CD96: variants seen among roughly 807,000 people sequenced by gnomAD.
The protein encoded by CD96 is T-cell surface protein tactile.
CD96 carries 70 observed loss-of-function variants against 71.3 expected under a neutral mutation model. That is an observed-to-expected ratio of 0.98 (90% CI 0.81 to 1.20). The LOEUF is 1.20. Ranked by LOEUF, CD96 falls within the 50% of genes most tolerant of loss-of-function variation. CD96 has a pLI of 0.00. For missense variants in CD96, 742 were observed against 677.5 expected, an observed-to-expected ratio of 1.10 and a Z score of -1.06; for synonymous variants, 248 against 233.0, an observed-to-expected ratio of 1.06 and a Z score of -0.59.
intron 7 of CD96, among the ~76,000 whole-genome samples, chr3:111,605,533 T>A (rs1937598280): frequency 1.3e-5 from 2 of 152,308 alleles, no homozygotes; most frequent in East Asian, 3.9e-4. Context: ...TTATTTTGGA[T>A]GTATGAAGAA....
At chr3:111,594,417 C>T in intron 5 of CD96, 1 of 513,014 alleles carries the variant, frequency 1.9e-6, no homozygotes, top group East Asian at 3.0e-5. Context: ...CAAAACAGCC[C>T]AAGAGTGCAT....
chr3:111,626,719 T>G (rs967389398), intron 10 of CD96, among the ~76,000 whole-genome samples: 2 of 152,200 alleles, frequency 1.3e-5, no homozygotes, highest in African/African-American at 4.8e-5. Context: ...AATTGTAGTA[T>G]ACTAATAAAA....
At chr3:111,548,420 G>A (rs1422715072) in intron 2 of CD96, among the ~76,000 whole-genome samples, 2 of 152,154 alleles carry the variant, frequency 1.3e-5, no homozygotes, top group Non-Finnish European at 2.9e-5. Flanking sequence ...TAAACAGTGT[G>A]AGGTTTGCCT....
At chr3:111,647,475 G>T in intron 12 of CD96, 68 bp from the exon 13 acceptor site, 1 of 1,409,354 alleles carries the variant, frequency 7.1e-7, no homozygotes, top group East Asian at 2.3e-5. Flanking sequence ...TAGGAAAAAT[G>T]GTTTAATCCT....
Position 111,572,815 on chromosome 3 carries a change from T to C in CD96, c.543+5168T>C, listed in dbSNP as rs530224119. Among the ~76,000 whole-genome samples, 59 of 152,358 alleles carry C rather than the reference T, an allele frequency of 3.9e-4. No homozygotes were observed. The Middle Eastern group carries it at 0.02, about 53-fold the overall frequency. ...TGACCCTCATAGGAAAGGTTATAAT[T>C]GGGATTCTGTCTCATAAAATAAACT... On this transcript the variant is annotated intron_variant, in intron 3 of 13. Coordinates refer to ENST00000352690, the MANE Select transcript of CD96 (RefSeq NM_005816.5).
intron 3 of CD96, chr3:111,577,394 G>C: frequency 1.2e-6 from 1 of 812,328 alleles, no homozygotes; most frequent in Non-Finnish European, 2.2e-6. Context: ...TGAGTGACAT[G>C]CTCTCCACTT....
intron 10 of CD96, among the ~76,000 whole-genome samples, chr3:111,630,846 G>T (rs1939024530): frequency 6.6e-6 from 1 of 152,136 alleles, no homozygotes; most frequent in East Asian, 1.9e-4. Flanking sequence ...ATTCAAGGCT[G>T]GTTCTACATA....
intron 4 of CD96, among the ~76,000 whole-genome samples, chr3:111,580,636 C>T (rs1002545607): frequency 1.3e-5 from 2 of 152,036 alleles, no homozygotes; most frequent in African/African-American, 4.8e-5. Context: ...TTGAAGAAAA[C>T]ACAAAATTGC....
chr3:111,661,424 C>A (rs974993094), intron 14 of CD96, among the ~76,000 whole-genome samples: 1 of 152,236 alleles, frequency 6.6e-6, no homozygotes, highest in African/African-American at 2.4e-5. Flanking sequence ...AAAGTCTTAA[C>A]TCATTCCAAC....
At chr3:111,605,450 C>A (rs1442261272) in intron 7 of CD96, among the ~76,000 whole-genome samples, 1 of 152,130 alleles carries the variant, frequency 6.6e-6, no homozygotes, top group Non-Finnish European at 1.5e-5. Flanking sequence ...TGATAAGCAA[C>A]ATCAGGAAAT....
intron 14 of CD96, among the ~76,000 whole-genome samples, chr3:111,660,531 A>G (rs73230162): frequency 0.13 from 19,969 of 152,276 alleles, 1,510 homozygotes; most frequent in Non-Finnish European, 0.16. Flanking sequence ...TAACATCTAT[A>G]TGGAAGCAAA....
intron 2 of CD96, among the ~76,000 whole-genome samples, chr3:111,547,967 C>T (rs901874255): frequency 2.0e-5 from 3 of 152,160 alleles, no homozygotes; most frequent in African/African-American, 7.2e-5. Context: ...AGAGCTCTGT[C>T]AAGTTCACAA....
intron 10 of CD96, among the ~76,000 whole-genome samples, chr3:111,629,115 A>G (rs1341447628): frequency 6.6e-6 from 1 of 152,252 alleles, no homozygotes; most frequent in Admixed American, 6.5e-5. Context: ...CAAGTCTGAA[A>G]AATAACCAGC....
At chr3:111,564,584 A>G (rs369831347) in intron 2 of CD96, among the ~76,000 whole-genome samples, 1 of 151,752 alleles carries the variant, frequency 6.6e-6, no homozygotes, top group Admixed American at 6.6e-5. Flanking sequence ...TCATCATTTT[A>G]TTTCTTTTAG....
At chr3:111,609,499 C>A (rs971446421) in intron 8 of CD96, among the ~76,000 whole-genome samples, 1 of 151,996 alleles carries the variant, frequency 6.6e-6, no homozygotes, top group Non-Finnish European at 1.5e-5. Context: ...TAAAAGCAGA[C>A]ATGAATTTCT....
chr3:111,604,776 T>C (rs1173586726), intron 7 of CD96, among the ~76,000 whole-genome samples: 1 of 152,236 alleles, frequency 6.6e-6, no homozygotes, highest in Admixed American at 6.5e-5. Flanking sequence ...TGTAAAGAGC[T>C]AGATAGTAAA....
chr3:111,582,657 G>A (rs1461475710), intron 4 of CD96, among the ~76,000 whole-genome samples: 3 of 152,142 alleles, frequency 2.0e-5, no homozygotes, highest in East Asian at 1.9e-4. Context: ...ACATGGCTGG[G>A]GAGGCCTCAG....
At chr3:111,659,753 T>G (rs1231493326) in intron 14 of CD96, among the ~76,000 whole-genome samples, 2 of 152,106 alleles carry the variant, frequency 1.3e-5, no homozygotes, top group African/African-American at 2.4e-5. Flanking sequence ...ATTCACCACA[T>G]AAACAGAATT....
In CD96 at chr3:111,574,243, G is replaced by T. The variant is rs554551593; in HGVS notation, c.544-4784G>T. Among the ~76,000 whole-genome samples the T allele has an allele frequency of 3.9e-5, 6 of 152,260 alleles. No homozygotes were observed. In the South Asian group the frequency reaches 1.2e-3, roughly 32 times the overall value. On this transcript the variant is annotated intron_variant, in intron 3 of 13. Transcript: ENST00000352690. Reference sequence around the variant, plus strand: ...GAAATATCATCACTAAATCAAGGAGGTTGAACATCCCAAGTCTGAAAACCT... The same window carrying T: ...GAAATATCATCACTAAATCAAGGAGTTTGAACATCCCAAGTCTGAAAACCT...
Sources: allele counts gnomAD v4.1 joint callset (sites outside exome capture counted in the v4.1 genomes callset), GRCh38; gene constraint gnomAD v4.1.1; transcripts MANE v1.5; gene names NCBI Gene and HGNC (gene_info 2026-07-23, HGNC 2026-07-21).